PATJ: variants seen among roughly 807,000 people sequenced by gnomAD.
PATJ encodes the protein inaD-like protein.
PATJ carries 190 observed loss-of-function variants against 224.9 expected under a neutral mutation model. The observed-to-expected ratio is 0.84, with a 90% CI of 0.75 to 0.95. PATJ has a LOEUF of 0.95. PATJ is among the 40% of genes least tolerant of loss of function. The probability of loss-of-function intolerance (pLI) is 0.00; values close to 1 mark genes in which losing one functional copy is unlikely to be tolerated. For missense variants in PATJ, 2,121 were observed against 2,270.3 expected (o/e 0.93, Z 1.34); for synonymous variants, 769 against 820.3 (o/e 0.94, Z 1.07).
At chr1:62,160,161 C>G (rs909166363) in intron 43 of PATJ, among the ~76,000 whole-genome samples, 2 of 152,040 alleles carry the variant, frequency 1.3e-5, no homozygotes, top group Non-Finnish European at 2.9e-5. Context: ...TCTTCCCTTA[C>G]CAGTCCAAAA....
At chr1:61,918,682 G>C (rs1673818985) in intron 26 of PATJ, among the ~76,000 whole-genome samples, 1 of 152,066 alleles carries the variant, frequency 6.6e-6, no homozygotes, top group Non-Finnish European at 1.5e-5. Context: ...GGTAATTATG[G>C]CCAGGCCTGG....
intron 20 of PATJ, among the ~76,000 whole-genome samples, chr1:61,871,802 T>C (rs1490801233): frequency 6.6e-6 from 1 of 151,026 alleles, no homozygotes; most frequent in Admixed American, 6.6e-5. Flanking sequence ...GACCTCAGGC[T>C]ATCTGCCCAC....
rs140572811 is a variant in PATJ, at chr1:62,145,973, A to C, written c.5272-2311A>C. On this transcript the variant is annotated intron_variant, in intron 41 of 43. Transcript: ENST00000642238. Reference sequence around the variant, plus strand: ...ACTCTGTCTCAAAAATAAATAAACAAATAAATAAATGAAAGAAATAAATAT... The same window carrying C: ...ACTCTGTCTCAAAAATAAATAAACACATAAATAAATGAAAGAAATAAATAT... Among the ~76,000 whole-genome samples, 1,106 of 152,214 alleles carry C rather than the reference A, an allele frequency of 7.3e-3. 10 individuals are homozygous for C. The highest frequency in any genetic ancestry group is 0.025 in the African/African-American group (1,045 of 41,544).
At chr1:61,900,887 C>A (rs1367439070) in intron 23 of PATJ, among the ~76,000 whole-genome samples, 2 of 152,104 alleles carry the variant, frequency 1.3e-5, no homozygotes, top group Non-Finnish European at 2.9e-5. Flanking sequence ...CCGCGCCAAG[C>A]CATATGTGGC....
At position 61,822,814 on chromosome 1, in the gene PATJ, T is replaced by G. The variant is rs1319754568; in HGVS notation, c.1684-131T>G. Reference sequence around the variant, plus strand: ...TACCTGAAGCTAATTTTCCTATTATTGTCCTCTTTTAGGATTTTGGTGATC... The same window carrying G: ...TACCTGAAGCTAATTTTCCTATTATGGTCCTCTTTTAGGATTTTGGTGATC... On this transcript the variant is annotated intron_variant, in intron 14 of 43. Transcript: ENST00000642238. 3 of 1,018,806 alleles carry G rather than the reference T, an allele frequency of 2.9e-6. No homozygotes were observed. The East Asian group carries it at 7.2e-5, about 25-fold the overall frequency. 63.1% of individuals were successfully genotyped at this position (1,018,806 alleles called of 1,614,324 possible). A position where few individuals can be genotyped will look rare whatever the true frequency, so the allele number is the denominator to read the frequency against.
intron 28 of PATJ, among the ~76,000 whole-genome samples, chr1:61,999,326 T>A (rs1172058349): frequency 1.3e-5 from 2 of 152,204 alleles, no homozygotes; most frequent in African/African-American, 4.8e-5. Context: ...TGGAAAAATA[T>A]GCTCTTAGAA....
In PATJ at chr1:61,984,470, A is replaced by G. The variant is rs144590067; in HGVS notation, c.3671-5698A>G. On this transcript the variant is annotated intron_variant, in intron 27 of 43. Transcript: ENST00000642238. ...AGCCCCTGTGCTCGGCCTTAAGTAT[A>G]CCCAATTCTTTAATGTTTCAGGGTT... is the stretch of plus-strand genomic sequence containing the variant. 3.7e-4 allele frequency among the ~76,000 whole-genome samples: 56 copies of G among 151,964 alleles called. No individual in the cohort carries two copies. The East Asian group carries it at 8.9e-3, about 24-fold the overall frequency.
At chr1:61,954,828 A>T (rs1348866161) in intron 27 of PATJ, among the ~76,000 whole-genome samples, 1 of 145,746 alleles carries the variant, frequency 6.9e-6, no homozygotes, top group Non-Finnish European at 1.5e-5. Context: ...ATCTTGGCTC[A>T]CTGCAAACTT....
chr1:62,133,731 G>A (rs1338163094), intron 41 of PATJ, among the ~76,000 whole-genome samples: 2 of 149,566 alleles, frequency 1.3e-5, no homozygotes, highest in East Asian at 3.9e-4. Flanking sequence ...AGTGGAGTGG[G>A]ATTCAAGAAT....
chr1:61,778,777 C>T (rs943023716), intron 7 of PATJ, among the ~76,000 whole-genome samples: 4 of 151,978 alleles, frequency 2.6e-5, no homozygotes, highest in Non-Finnish European at 4.4e-5. Context: ...CTTGGCTCAC[C>T]ACAACCTCTG....
chr1:61,932,179 C>G (rs543953936), intron 27 of PATJ, among the ~76,000 whole-genome samples: 1 of 152,138 alleles, frequency 6.6e-6, no homozygotes. Context: ...CCTGCCCCCC[C>G]AACACACACA....
At chr1:61,765,875 G>T (rs1212854303) in intron 3 of PATJ, among the ~76,000 whole-genome samples, 1 of 152,110 alleles carries the variant, frequency 6.6e-6, no homozygotes, top group African/African-American at 2.4e-5. Flanking sequence ...CACTCAATAA[G>T]TACAGTTATT....
chr1:61,883,769 A>G (rs907835897), intron 21 of PATJ, among the ~76,000 whole-genome samples: 8 of 150,942 alleles, frequency 5.3e-5, no homozygotes, highest in African/African-American at 1.9e-4. Flanking sequence ...AAAAAAAAAA[A>G]AAAAAAAGAA....
At chr1:61,989,830 C>G (rs914274838) in intron 27 of PATJ, among the ~76,000 whole-genome samples, 2 of 152,160 alleles carry the variant, frequency 1.3e-5, no homozygotes, top group Non-Finnish European at 1.5e-5. Flanking sequence ...TTAACTGTAA[C>G]CTACATCTAA....
intron 27 of PATJ, among the ~76,000 whole-genome samples, chr1:61,944,931 TAAAG>T (rs1678428380): frequency 6.6e-6 from 1 of 152,168 alleles, no homozygotes; most frequent in Non-Finnish European, 1.5e-5. Flanking sequence ...TCAACATTCT[TAAAG>T]AAAAGAATTT....
At position 61,884,308 on chromosome 1, in the gene PATJ, C is replaced by T; in HGVS notation, c.3031C>T (p.Gln1011Ter). The change falls in exon 22 of 44, where the codon CAA becomes TAA. Residue 1011 changes from glutamine (Q) to a stop codon, truncating the protein, a stop_gained. Transcript: ENST00000642238. LOFTEE classifies it high-confidence loss of function. ...TCCTGTTGTGGCTCAAAGGAGGGAGCAAGAAGATTTGCCTTTATATCAACA... is the reference window on the plus strand; with the variant it reads ...TCCTGTTGTGGCTCAAAGGAGGGAGTAAGAAGATTTGCCTTTATATCAACA... ...DLPVVAQRRE[Q>*]EDLPLYQHQA... 1 of 1,613,600 alleles carries T rather than the reference C, an allele frequency of 6.2e-7. No homozygotes were observed. Among genetic ancestry groups the T allele is most frequent in the Non-Finnish European group, 8.5e-7 (1 of 1,179,794 alleles).
chr1:62,003,881 TGTCA>T (rs1157451663), intron 28 of PATJ, among the ~76,000 whole-genome samples: 1 of 152,186 alleles, frequency 6.6e-6, no homozygotes, highest in Non-Finnish European at 1.5e-5. Flanking sequence ...CTATTATCTC[TGTCA>T]GTCTACTTCT....
At chr1:61,854,993 T>C (rs1206663872) in intron 17 of PATJ, among the ~76,000 whole-genome samples, 1 of 152,218 alleles carries the variant, frequency 6.6e-6, no homozygotes, top group African/African-American at 2.4e-5. Flanking sequence ...TAATTTTAGG[T>C]CACATTATTT....
Position 61,932,663 on chromosome 1 carries a change from G to A in PATJ, c.3670+4834G>A, listed in dbSNP as rs531960159. Among the ~76,000 whole-genome samples the A allele has an allele frequency of 1.7e-3, 266 of 152,342 alleles. 1 individual carries two copies. The highest frequency in any genetic ancestry group is 5.5e-3 in the African/African-American group (230 of 41,584). ...CCCTGTAATCCCAGCACTTTGGGAG[G>A]CCGAGGTGGGTGGATCACCTGAGGT... On this transcript the variant is annotated intron_variant, in intron 27 of 43. Coordinates refer to ENST00000642238, the MANE Select transcript of PATJ (RefSeq NM_001350145.3).
Sources: allele counts gnomAD v4.1 joint callset (sites outside exome capture counted in the v4.1 genomes callset), GRCh38; gene constraint gnomAD v4.1.1; transcripts MANE v1.5; gene names NCBI Gene and HGNC (gene_info 2026-07-23, HGNC 2026-07-21).